Variants in DIAPH2 observed in about 807,000 individuals in gnomAD.
DIAPH2 encodes protein diaphanous homolog 2.
In DIAPH2, 35 loss-of-function variants were observed where a neutral mutation model predicts 92.7. The observed-to-expected ratio is 0.38, with a 90% CI of 0.29 to 0.50. The LOEUF (loss-of-function observed/expected upper bound fraction) is 0.50, where lower values mean the gene tolerates loss of function less well. Among genes scored for constraint, DIAPH2 ranks in the 20% least tolerant of loss-of-function variants. The pLI is 0.94. For missense variants in DIAPH2, 701 were observed against 819.5 expected (o/e 0.86, Z 1.77); for synonymous variants, 301 against 280.4 (o/e 1.07, Z -0.73).
intron 17 of DIAPH2, among the ~76,000 whole-genome samples, chrX:97,005,380 CT>C (rs1434380790): frequency 1.0e-5 from 1 of 99,950 alleles, no homozygotes; most frequent in Non-Finnish European, 2.0e-5. Flanking sequence ...ATGAATTCTT[CT>C]TTAAATGTTT....
chrX:97,451,551 GTTA>G (rs1004927360), intron 26 of DIAPH2, among the ~76,000 whole-genome samples: 16 of 111,379 alleles, frequency 1.4e-4, no homozygotes, highest in African/African-American at 5.2e-4. Context: ...TTATTTTGAT[GTTA>G]TTATGAAAAT....
chrX:97,263,217 T>G (rs1217521455), intron 23 of DIAPH2, among the ~76,000 whole-genome samples: 1 of 111,979 alleles, frequency 8.9e-6, no homozygotes, highest in Non-Finnish European at 1.9e-5. Flanking sequence ...AATCAAAATG[T>G]CCCTATTAAG....
At position 97,515,800 on chromosome X, in the gene DIAPH2, A is replaced by T. The variant is rs768432155; in HGVS notation, c.3242-83453A>T. Among the ~76,000 whole-genome samples the T allele has an allele frequency of 3.6e-5, 4 of 110,471 alleles. No individual in the cohort carries two copies. The East Asian group carries it at 1.1e-3, about 31-fold the overall frequency. ...GAAGGGCAAGGGGAAGGTGAGAGTGACCTTGCTTCTGCTATTTTATCAAAT... is the reference window on the plus strand; with the variant it reads ...GAAGGGCAAGGGGAAGGTGAGAGTGTCCTTGCTTCTGCTATTTTATCAAAT... On this transcript the variant is annotated intron_variant, in intron 26 of 26. Coordinates refer to ENST00000324765, the MANE Select transcript of DIAPH2 (RefSeq NM_006729.5).
intron 24 of DIAPH2, among the ~76,000 whole-genome samples, chrX:97,363,007 G>A (rs1401274967): frequency 8.9e-6 from 1 of 112,173 alleles, no homozygotes; most frequent in Non-Finnish European, 1.9e-5. Flanking sequence ...ATACAAACCC[G>A]AACTATTTCA....
chrX:96,828,888 G>A (rs1035188164), intron 4 of DIAPH2, among the ~76,000 whole-genome samples: 4 of 110,828 alleles, frequency 3.6e-5, no homozygotes, highest in Non-Finnish European at 7.6e-5. Context: ...AATATAAATG[G>A]ATAGATAAAT....
intron 23 of DIAPH2, among the ~76,000 whole-genome samples, chrX:97,339,358 TAAAGA>T (rs2069092870): frequency 9.1e-6 from 1 of 109,720 alleles, no homozygotes; most frequent in Non-Finnish European, 1.9e-5. Flanking sequence ...CTACTAAAAA[TAAAGA>T]AATTAGCTGG....
rs10644882 is a variant in DIAPH2 at position 97,263,900 on chromosome X, TTTTA to T, written c.2844+16097_2844+16100del. Among the ~76,000 whole-genome samples, 198 of 93,997 alleles carry T rather than the reference TTTTA, an allele frequency of 2.1e-3. 2 individuals are homozygous for T. Among genetic ancestry groups the T allele is most frequent in the East Asian group, 0.015 (48 of 3,139 alleles). 81.6% of individuals were successfully genotyped at this position (93,997 alleles called of 115,157 possible). ...CTGCGCCCAGCTCCAACTGTTAGTTTTTTATTTATTTATTTATTTATTTATTTAT... is the reference window on the plus strand; with the variant it reads ...CTGCGCCCAGCTCCAACTGTTAGTTTTTTATTTATTTATTTATTTATTTAT... On this transcript the variant is annotated intron_variant, in intron 23 of 26. Coordinates refer to ENST00000324765, the MANE Select transcript of DIAPH2 (RefSeq NM_006729.5).
chrX:97,435,414 G>A (rs929052507), intron 26 of DIAPH2, among the ~76,000 whole-genome samples: 2 of 111,472 alleles, frequency 1.8e-5, no homozygotes, highest in South Asian at 3.8e-4. Flanking sequence ...TTTACAATGC[G>A]GTCTTCTATA....
intron 26 of DIAPH2, among the ~76,000 whole-genome samples, chrX:97,534,923 C>T: frequency 9.0e-6 from 1 of 111,549 alleles, no homozygotes; most frequent in Middle Eastern, 4.6e-3. Context: ...TCCCCGAGAA[C>T]ATATAACCCC....
At chrX:97,346,833 G>T (rs2069161308) in intron 23 of DIAPH2, among the ~76,000 whole-genome samples, 1 of 110,815 alleles carries the variant, frequency 9.0e-6, no homozygotes, top group African/African-American at 3.3e-5. Context: ...CTGAAATGAG[G>T]GTCTTATAAC....
chrX:97,212,561 A>G (rs2067849054), intron 22 of DIAPH2, among the ~76,000 whole-genome samples: 1 of 102,858 alleles, frequency 9.7e-6, no homozygotes, highest in Non-Finnish European at 2.0e-5. Context: ...ACTGTATAGT[A>G]TTAAATAATG....
Position 97,571,977 on chromosome X carries a change from T to C in DIAPH2, c.3242-27276T>C, listed in dbSNP as rs183858972. Among the ~76,000 whole-genome samples, 365 of 111,830 alleles carry C rather than the reference T, an allele frequency of 3.3e-3. 2 individuals carry two copies. The highest frequency in any genetic ancestry group is 0.023 in the Middle Eastern group (5 of 216). On this transcript the variant is annotated intron_variant, in intron 26 of 26. Coordinates refer to ENST00000324765, the MANE Select transcript of DIAPH2 (RefSeq NM_006729.5). The stretch of plus-strand genomic sequence containing the variant: ...GGTGAAGAGGCTTGTCTTCTGACTT[T>C]CTGTGCACTTTGTCAAATCAGGTAC...
intron 4 of DIAPH2, among the ~76,000 whole-genome samples, chrX:96,824,384 A>T (rs1303444636): frequency 1.8e-5 from 2 of 111,108 alleles, no homozygotes; most frequent in Non-Finnish European, 3.8e-5. Flanking sequence ...AGATGTGAAG[A>T]GTAAAACAAA....
At chrX:96,799,424 T>C (rs2064564362) in intron 4 of DIAPH2, among the ~76,000 whole-genome samples, 2 of 112,321 alleles carry the variant, frequency 1.8e-5, no homozygotes, top group Non-Finnish European at 1.9e-5. Context: ...ATGTAGCTTT[T>C]ATAGATGGAT....
chrX:97,050,096 A>G (rs2066509706), intron 17 of DIAPH2, among the ~76,000 whole-genome samples: 1 of 111,315 alleles, frequency 9.0e-6, no homozygotes, highest in Admixed American at 9.5e-5. Flanking sequence ...TCTTTTGTTT[A>G]TTATCAGTGC....
At chrX:97,540,444 G>C (rs2071131172) in intron 26 of DIAPH2, among the ~76,000 whole-genome samples, 1 of 112,009 alleles carries the variant, frequency 8.9e-6, no homozygotes, top group Non-Finnish European at 1.9e-5. Context: ...ATTTATCCTT[G>C]TGGAAACATG....
intron 4 of DIAPH2, among the ~76,000 whole-genome samples, chrX:96,817,322 C>T (rs1489493806): frequency 9.0e-6 from 1 of 110,735 alleles, no homozygotes; most frequent in African/African-American, 3.3e-5. Flanking sequence ...CCCGTATCAC[C>T]ATATCTCATG....
chrX:97,306,071 A>C (rs756783491), intron 23 of DIAPH2, among the ~76,000 whole-genome samples: 26 of 110,095 alleles, frequency 2.4e-4, no homozygotes, highest in African/African-American at 8.2e-4. Flanking sequence ...CCTTCCGTAC[A>C]TCTGGTTTAA....
intron 26 of DIAPH2, among the ~76,000 whole-genome samples, chrX:97,578,362 T>A (rs1379406021): frequency 2.9e-5 from 3 of 104,266 alleles, no homozygotes; most frequent in Non-Finnish European, 5.9e-5. Flanking sequence ...GATGTTCCCC[T>A]TCCTGTGTCC....
Sources: allele counts gnomAD v4.1 joint callset (sites outside exome capture counted in the v4.1 genomes callset), GRCh38; gene constraint gnomAD v4.1.1; transcripts MANE v1.5; gene names NCBI Gene and HGNC (gene_info 2026-07-23, HGNC 2026-07-21).